The following MACROD2 variants were observed in gnomAD, a reference collection of about 807,000 sequenced individuals.
MACROD2 encodes mono-ADP ribosylhydrolase 2.
MACROD2 carries 36 observed loss-of-function variants against 70.4 expected under a neutral mutation model. The observed-to-expected ratio is 0.51, with a 90% confidence interval of 0.39 to 0.68. The LOEUF is 0.68. Ranked by LOEUF, MACROD2 falls within the 30% of genes least tolerant of loss-of-function variation. The pLI is 0.00. For missense variants in MACROD2, 496 were observed against 538.4 expected, an observed-to-expected ratio of 0.92 and a Z score of 0.78; for synonymous variants, 172 against 178.8, an observed-to-expected ratio of 0.96 and a Z score of 0.30.
chr20:14,379,997 A>G (rs763906962), intron 3 of MACROD2, among the ~76,000 whole-genome samples: 5 of 152,106 alleles, frequency 3.3e-5, no homozygotes, highest in Non-Finnish European at 7.4e-5. Flanking sequence ...TGGTAATTCT[A>G]TGTTTAGTTT....
chr20:14,402,572 A>G (rs908388243), intron 3 of MACROD2, among the ~76,000 whole-genome samples: 1 of 152,022 alleles, frequency 6.6e-6, no homozygotes, highest in African/African-American at 2.4e-5. Context: ...GGGTTTTGCT[A>G]CAAAGGTTAA....
At chr20:14,885,965 A>G (rs1157378497) in intron 5 of MACROD2, among the ~76,000 whole-genome samples, 1 of 152,232 alleles carries the variant, frequency 6.6e-6, no homozygotes, top group African/African-American at 2.4e-5. Context: ...GAGCAAAATA[A>G]ATAAAAGAGC....
chr20:14,534,677 T>C (rs1054215918), intron 4 of MACROD2, among the ~76,000 whole-genome samples: 1 of 152,142 alleles, frequency 6.6e-6, no homozygotes, highest in Non-Finnish European at 1.5e-5. Flanking sequence ...TTAAAATAAT[T>C]TCTTCATTTT....
chr20:14,798,966 A>G (rs1230557184), intron 5 of MACROD2, among the ~76,000 whole-genome samples: 4 of 151,958 alleles, frequency 2.6e-5, no homozygotes, highest in African/African-American at 7.3e-5. Context: ...AACTGTATAT[A>G]TTGAAATATA....
At chr20:15,643,547 GGTTT>G (rs34257433) in intron 8 of MACROD2, among the ~76,000 whole-genome samples, 1 of 151,958 alleles carries the variant, frequency 6.6e-6, no homozygotes, top group Non-Finnish European at 1.5e-5. Context: ...TATGGAATAT[GGTTT>G]GTTTGTGGTC....
chr20:14,318,246 C>T (rs1366193604), intron 3 of MACROD2, among the ~76,000 whole-genome samples: 1 of 152,164 alleles, frequency 6.6e-6, no homozygotes, highest in African/African-American at 2.4e-5. Flanking sequence ...TCCACTCCAG[C>T]CAGCTGGCAT....
intron 5 of MACROD2, chr20:14,929,555 C>T (rs1295606269): frequency 6.6e-6 from 1 of 152,070 alleles, no homozygotes; most frequent in Non-Finnish European, 1.5e-5. Flanking sequence ...GTGGGGGTTC[C>T]ATTACATAGG....
chr20:15,160,150 T>G (rs2076337994), intron 5 of MACROD2, among the ~76,000 whole-genome samples: 1 of 151,736 alleles, frequency 6.6e-6, no homozygotes. Flanking sequence ...TTGGCCAGGG[T>G]GTGTTGAAGG....
chr20:14,525,674 G>A (rs1945990001), intron 4 of MACROD2, among the ~76,000 whole-genome samples: 1 of 152,192 alleles, frequency 6.6e-6, no homozygotes, highest in Non-Finnish European at 1.5e-5. Context: ...TAGGTTAGGA[G>A]CAATTTTAGA....
At chr20:15,267,845 G>A (rs1453198509) in intron 6 of MACROD2, among the ~76,000 whole-genome samples, 1 of 152,184 alleles carries the variant, frequency 6.6e-6, no homozygotes, top group Non-Finnish European at 1.5e-5. Context: ...GGGTGGACCT[G>A]GGATTCAATC....
At chr20:14,479,363 G>A (rs968692154) in intron 3 of MACROD2, among the ~76,000 whole-genome samples, 1 of 152,144 alleles carries the variant, frequency 6.6e-6, no homozygotes, top group African/African-American at 2.4e-5. Context: ...AGACCCTGTT[G>A]AGAAGGAGAA....
chr20:15,639,805 G>T (rs1600701355), intron 8 of MACROD2, among the ~76,000 whole-genome samples: 1 of 152,186 alleles, frequency 6.6e-6, no homozygotes, highest in East Asian at 1.9e-4. Flanking sequence ...AAAGAGAGTG[G>T]GGGGAAAGAG....
chr20:14,574,863 T>C (rs923694159), intron 4 of MACROD2, among the ~76,000 whole-genome samples: 6 of 144,818 alleles, frequency 4.1e-5, no homozygotes, highest in African/African-American at 1.0e-4. Context: ...TACAAAAAAT[T>C]AGCCGGGCGC....
chr20:14,827,648 T>C (rs2072916918), intron 5 of MACROD2, among the ~76,000 whole-genome samples: 1 of 151,928 alleles, frequency 6.6e-6, no homozygotes, highest in Admixed American at 6.6e-5. Context: ...TGTAACTAAT[T>C]AGTAACTGTG....
intron 3 of MACROD2, among the ~76,000 whole-genome samples, chr20:14,271,305 G>A (rs1161478539): frequency 3.3e-5 from 5 of 152,164 alleles, no homozygotes; most frequent in Non-Finnish European, 7.3e-5. Context: ...ACTTCCAGAG[G>A]AACGATCAGA....
intron 8 of MACROD2, among the ~76,000 whole-genome samples, chr20:15,517,931 T>A (rs2047592988): frequency 6.6e-6 from 1 of 152,240 alleles, no homozygotes; most frequent in Non-Finnish European, 1.5e-5. Flanking sequence ...CCCTGCTGCC[T>A]CTTTCACCTA....
At chr20:15,801,511 A>G (rs2063726577) in intron 8 of MACROD2, among the ~76,000 whole-genome samples, 1 of 151,930 alleles carries the variant, frequency 6.6e-6, no homozygotes, top group African/African-American at 2.4e-5. Flanking sequence ...CAGTTGGCTG[A>G]AATACATGGA....
intron 5 of MACROD2, among the ~76,000 whole-genome samples, chr20:14,899,137 T>C (rs2073865698): frequency 1.3e-5 from 2 of 152,176 alleles, no homozygotes; most frequent in African/African-American, 4.8e-5. Flanking sequence ...TGCCTCCTTT[T>C]CTTGTACACA....
At chr20:15,998,084 AT>A (rs2066656929) in intron 15 of MACROD2, among the ~76,000 whole-genome samples, 1 of 152,176 alleles carries the variant, frequency 6.6e-6, no homozygotes, top group African/African-American at 2.4e-5. Context: ...TTTGCTAGTA[AT>A]TTGTTGAAAT....
Sources: gnomAD v4.1 joint callset for allele counts (sites outside exome capture counted in the v4.1 genomes callset) on GRCh38, gnomAD v4.1.1 for gene constraint, MANE v1.5 for transcripts, NCBI Gene and HGNC (gene_info 2026-07-23, HGNC 2026-07-21) for gene names.